The following SLC2A9 variants were observed in gnomAD, a reference collection of about 807,000 sequenced individuals.
The protein encoded by SLC2A9 is solute carrier family 2 member 9, also known as solute carrier family 2, facilitated glucose transporter member 9.
Under a neutral mutation model 50.6 loss-of-function variants are expected in SLC2A9, and 39 were observed. The ratio of observed to expected loss-of-function variants is 0.77; its 90% CI spans 0.60 to 1.01. The LOEUF (loss-of-function observed/expected upper bound fraction) is 1.01. Among genes scored for constraint, SLC2A9 ranks in the 50% least tolerant of loss-of-function variants. SLC2A9 has a pLI of 0.00. For synonymous variants in SLC2A9, 324 were observed against 276.9 expected (o/e 1.17, Z -1.69); for missense variants, 686 against 677.6 (o/e 1.01, Z -0.14).
At chr4:9,998,000 G>A (rs942210202) in intron 2 of SLC2A9, among the ~76,000 whole-genome samples, 7 of 152,164 alleles carry the variant, frequency 4.6e-5, no homozygotes, top group African/African-American at 1.7e-4. Context: ...ACAGACTCCA[G>A]AGAAAATACA....
rs535018285 is a variant in SLC2A9 at position 10,029,879 on chromosome 4, A to C, written c.-40-3873T>G. On this transcript the variant is annotated intron_variant, in intron 1 of 12. Coordinates refer to the SLC2A9 transcript ENST00000309065. ...TGGAACTCCTGACCTCAGGTGATCT[A>C]CCTGCCTCAGCCTCCCAAAGTGCTG... Among the ~76,000 whole-genome samples, 234 of 152,022 alleles carry C rather than the reference A, an allele frequency of 1.5e-3. 3 individuals carry two copies. Among genetic ancestry groups the C allele is most frequent in the African/African-American group, 4.2e-3 (176 of 41,464 alleles).
intron 7 of SLC2A9, among the ~76,000 whole-genome samples, chr4:9,919,305 A>G (rs148046771): frequency 6.6e-6 from 1 of 152,326 alleles, no homozygotes; most frequent in Non-Finnish European, 1.5e-5. Flanking sequence ...CTTTAACCAG[A>G]CCAAGGAGAA....
intron 4 of SLC2A9, among the ~76,000 whole-genome samples, chr4:9,983,819 A>G (rs925424358): frequency 3.3e-5 from 5 of 152,252 alleles, no homozygotes; most frequent in African/African-American, 7.2e-5. Context: ...GGGTTTTTAA[A>G]TACATCAAAC....
downstream of SLC2A9, among the ~76,000 whole-genome samples, chr4:9,821,553 A>G (rs980920027): frequency 6.6e-5 from 10 of 152,186 alleles, no homozygotes; most frequent in African/African-American, 2.4e-4. Context: ...TGTAGATGAC[A>G]GGTTGATGGG....
At chr4:9,944,740 AC>A (rs1208007778) in intron 5 of SLC2A9, among the ~76,000 whole-genome samples, 2 of 152,168 alleles carry the variant, frequency 1.3e-5, no homozygotes, top group Non-Finnish European at 2.9e-5. Context: ...AAGAGTCTGA[AC>A]CTGGCTTTTT....
rs1365941074 is a variant in SLC2A9 at position 10,018,946 on chromosome 4, C to G, written c.249+29G>C. On this transcript the variant is annotated intron_variant, in intron 2 of 11. Transcript: ENST00000264784. ...CGAAGGTTTCCGCAGGGCCGCAGCG[C>G]CCTCTGCCGGGCCTTGGCGCGCACT... 2.6e-6 allele frequency: 4 copies of G among 1,546,276 alleles called. No homozygotes were observed. In the African/African-American group the frequency reaches 5.5e-5, roughly 21 times the overall value.
chr4:10,018,205 G>A (rs943552937), intron 2 of SLC2A9, among the ~76,000 whole-genome samples: 4 of 152,210 alleles, frequency 2.6e-5, no homozygotes, highest in Non-Finnish European at 4.4e-5. Flanking sequence ...CCAAAGATGG[G>A]TCTTATCCAG....
intron 10 of SLC2A9, among the ~76,000 whole-genome samples, chr4:9,881,495 A>C (rs1013755315): frequency 1.3e-5 from 2 of 152,232 alleles, no homozygotes; most frequent in African/African-American, 2.4e-5. Context: ...TCCAAATTTC[A>C]GAGCTGAGGA....
chr4:9,937,027 C>T (rs369846466), intron 6 of SLC2A9, among the ~76,000 whole-genome samples: 7 of 152,276 alleles, frequency 4.6e-5, no homozygotes, highest in South Asian at 2.1e-4. Context: ...ATTGAAGGTA[C>T]GTTGAGAACT....
intron 3 of SLC2A9, among the ~76,000 whole-genome samples, chr4:9,790,393 T>C (rs1024627275): frequency 6.6e-6 from 1 of 152,158 alleles, no homozygotes; most frequent in Non-Finnish European, 1.5e-5. Flanking sequence ...GGGGGCTCTA[T>C]TTTTCTACAC....
At chr4:9,867,683 A>T (rs1351076905) in intron 10 of SLC2A9, among the ~76,000 whole-genome samples, 2 of 152,034 alleles carry the variant, frequency 1.3e-5, no homozygotes, top group Admixed American at 6.6e-5. Context: ...GGGAAGAGGG[A>T]CTCACACTAC....
At chr4:9,949,540 G>A (rs1749817276) in intron 5 of SLC2A9, among the ~76,000 whole-genome samples, 1 of 152,210 alleles carries the variant, frequency 6.6e-6, no homozygotes. Context: ...CTCATGCCAA[G>A]GCACATGAGA....
chr4:9,780,261 T>C (rs1577249957), intron 3 of SLC2A9, among the ~76,000 whole-genome samples: 1 of 152,020 alleles, frequency 6.6e-6, no homozygotes, highest in African/African-American at 2.4e-5. Flanking sequence ...GCCAGGAAAG[T>C]GCCACCATCA....
At chr4:9,783,474 G>A in intron 3 of SLC2A9, 1 of 1,588,822 alleles carries the variant, frequency 6.3e-7, no homozygotes, top group African/African-American at 1.3e-5. Context: ...ACTGCATTAA[G>A]AAACCCCCTC....
At chr4:9,983,389 G>A (rs2109121995) in intron 4 of SLC2A9, among the ~76,000 whole-genome samples, 1 of 152,370 alleles carries the variant, frequency 6.6e-6, no homozygotes, top group Admixed American at 6.5e-5. Flanking sequence ...AAACGTGCAT[G>A]CAAAGTGCTT....
At chr4:9,895,508 G>A (rs534300773) in intron 8 of SLC2A9, among the ~76,000 whole-genome samples, 1 of 152,326 alleles carries the variant, frequency 6.6e-6, no homozygotes, top group Admixed American at 6.5e-5. Flanking sequence ...GTCAGCTAGG[G>A]ATGACTGTCA....
intron 5 of SLC2A9, among the ~76,000 whole-genome samples, chr4:9,962,565 C>T (rs775667305): frequency 1.6e-4 from 24 of 151,934 alleles, no homozygotes; most frequent in Non-Finnish European, 2.8e-4. Context: ...TGGGGCCTAT[C>T]GGGGGACCTG....
chr4:9,896,011 A>G (rs749025125), intron 8 of SLC2A9, among the ~76,000 whole-genome samples: 1 of 152,224 alleles, frequency 6.6e-6, no homozygotes, highest in Non-Finnish European at 1.5e-5. Context: ...TTGTTTCTCC[A>G]TTCACCTGTT....
chr4:9,949,267 G>C (rs1749764115), intron 5 of SLC2A9, among the ~76,000 whole-genome samples: 1 of 152,174 alleles, frequency 6.6e-6, no homozygotes, highest in Non-Finnish European at 1.5e-5. Flanking sequence ...CAGGTGTTTA[G>C]TAAATGCCTG....
Sources: gnomAD v4.1 joint callset for allele counts (sites outside exome capture counted in the v4.1 genomes callset) on GRCh38, gnomAD v4.1.1 for gene constraint, MANE v1.5 for transcripts, NCBI Gene and HGNC (gene_info 2026-07-23, HGNC 2026-07-21) for gene names.